The following RABGAP1L variants were observed in gnomAD, a reference collection of about 807,000 sequenced individuals.
RABGAP1L encodes rab GTPase-activating protein 1-like.
RABGAP1L carries 63 observed loss-of-function variants against 137.7 expected under a neutral mutation model. The observed-to-expected ratio is 0.46, with a 90% confidence interval of 0.37 to 0.56. The LOEUF (loss-of-function observed/expected upper bound fraction) is 0.56. Ranked by LOEUF, RABGAP1L falls within the 20% of genes least tolerant of loss-of-function variation. The probability of loss-of-function intolerance (pLI) is 0.00; values close to 1 mark genes in which losing one functional copy is unlikely to be tolerated. For synonymous variants in RABGAP1L, 431 were observed against 433.7 expected, an observed-to-expected ratio of 0.99 and a Z score of 0.08; for missense variants, 1,095 against 1,244.0, an observed-to-expected ratio of 0.88 and a Z score of 1.80.
chr1:174,195,502 A>G (rs751210154), intron 1 of RABGAP1L, among the ~76,000 whole-genome samples: 2 of 152,122 alleles, frequency 1.3e-5, no homozygotes, highest in African/African-American at 2.4e-5. Flanking sequence ...AAGACCACAG[A>G]CTGAGGAGCC....
chr1:174,517,346 T>G (rs1304129414), intron 13 of RABGAP1L, among the ~76,000 whole-genome samples: 2 of 152,192 alleles, frequency 1.3e-5, no homozygotes, highest in African/African-American at 4.8e-5. Context: ...AACATACCTT[T>G]TGCAATATTT....
At chr1:174,230,884 T>C (rs1670590545) in intron 3 of RABGAP1L, among the ~76,000 whole-genome samples, 2 of 152,138 alleles carry the variant, frequency 1.3e-5, no homozygotes, top group Admixed American at 6.6e-5. Flanking sequence ...TCTGAAGAAC[T>C]TACAGCTAAG....
chr1:174,795,925 TC>T (rs1460653637), intron 18 of RABGAP1L, among the ~76,000 whole-genome samples: 1 of 152,200 alleles, frequency 6.6e-6, no homozygotes, highest in Non-Finnish European at 1.5e-5. Flanking sequence ...ACTGAGTTTC[TC>T]CCATGTGTGT....
intron 11 of RABGAP1L, among the ~76,000 whole-genome samples, chr1:174,317,623 T>G (rs1366791036): frequency 6.6e-6 from 1 of 152,118 alleles, no homozygotes; most frequent in Non-Finnish European, 1.5e-5. Context: ...GGGGTGATAC[T>G]AGCACACCCC....
chr1:174,480,517 T>A (rs1333690246), intron 13 of RABGAP1L, among the ~76,000 whole-genome samples: 1 of 152,248 alleles, frequency 6.6e-6, no homozygotes, highest in Non-Finnish European at 1.5e-5. Flanking sequence ...ATTAGTGAGC[T>A]GTGATTACAT....
At chr1:174,274,450 G>C (rs886399916) in intron 8 of RABGAP1L, among the ~76,000 whole-genome samples, 1 of 152,132 alleles carries the variant, frequency 6.6e-6, no homozygotes, top group Admixed American at 6.6e-5. Flanking sequence ...GTACAGTAAC[G>C]TGCTGTACAA....
At chr1:174,799,874 C>G in intron 18 of RABGAP1L, 1 of 987,622 alleles carries the variant, frequency 1.0e-6, no homozygotes, top group Non-Finnish European at 1.2e-6. Context: ...CCCTGGCTTC[C>G]TGGCTACTGC....
At chr1:174,943,328 C>T (rs1244890096) in intron 19 of RABGAP1L, among the ~76,000 whole-genome samples, 9 of 152,118 alleles carry the variant, frequency 5.9e-5, no homozygotes, top group Non-Finnish European at 1.2e-4. Context: ...TCTTGGTCAT[C>T]CTGTGCTCAT....
chr1:174,674,402 A>C (rs1311871951), intron 14 of RABGAP1L, among the ~76,000 whole-genome samples: 1 of 149,870 alleles, frequency 6.7e-6, no homozygotes, highest in African/African-American at 2.5e-5. Context: ...CCATGTCCCT[A>C]CAAAGGGCAT....
Position 174,652,701 on chromosome 1 carries a change from C to T in RABGAP1L, c.1824+15213C>T, listed in dbSNP as rs752583000. Among the ~76,000 whole-genome samples, 42 of 152,170 alleles carry T rather than the reference C, an allele frequency of 2.8e-4. 1 individual carries two copies. The highest frequency in any genetic ancestry group is 5.9e-5 in the Non-Finnish European group (4 of 68,032). On this transcript the variant is annotated intron_variant, in intron 14 of 25. Coordinates refer to ENST00000681986, the MANE Select transcript of RABGAP1L (RefSeq NM_001366446.1). ...TCCTAGAGAGGCACTCGCCAGATGC[C>T]AGCCGGAGCTCTCCTATATGAGATG...
At chr1:174,456,281 C>T (rs1656032382) in intron 13 of RABGAP1L, among the ~76,000 whole-genome samples, 1 of 151,848 alleles carries the variant, frequency 6.6e-6, no homozygotes, top group Non-Finnish European at 1.5e-5. Flanking sequence ...ACACAGCAGT[C>T]ATCTACTGAA....
At chr1:174,550,917 C>CAT (rs1553330146) in intron 13 of RABGAP1L, among the ~76,000 whole-genome samples, 4,427 of 95,798 alleles carry the variant, frequency 0.046, 269 homozygotes, top group East Asian at 0.11. Flanking sequence ...TATACACACA[C>CAT]ACACATATAT....
intron 18 of RABGAP1L, among the ~76,000 whole-genome samples, chr1:174,798,390 G>A (rs1471436290): frequency 3.3e-5 from 5 of 150,546 alleles, no homozygotes; most frequent in South Asian, 2.1e-4. Context: ...GTGACAGAGC[G>A]ACAATCCGTT....
In RABGAP1L at chr1:174,992,872, A is replaced by G. The variant is rs1418678268; in HGVS notation, c.*2871A>G. ...TCACTTAGAAGAGATTAACCAGCCA[A>G]ATATCCAGGAAAGTTTCAAAACATT... On this transcript the variant is annotated 3_prime_UTR_variant, in exon 26 of 26. Transcript: ENST00000681986. 1 of 152,200 alleles carries G rather than the reference A, an allele frequency of 6.6e-6. No individual in the cohort carries two copies. Among genetic ancestry groups the G allele is most frequent in the Non-Finnish European group, 1.5e-5 (1 of 68,030 alleles). 9.4% of individuals were successfully genotyped at this position (152,200 alleles called of 1,614,324 possible).
At chr1:174,613,910 G>T (rs1251740634) in intron 13 of RABGAP1L, among the ~76,000 whole-genome samples, 2 of 151,886 alleles carry the variant, frequency 1.3e-5, no homozygotes, top group African/African-American at 4.8e-5. Context: ...CATTTGCTTG[G>T]TAGATCTTCC....
intron 17 of RABGAP1L, among the ~76,000 whole-genome samples, chr1:174,726,438 C>T (rs1259369657): frequency 6.6e-6 from 1 of 151,682 alleles, no homozygotes; most frequent in Non-Finnish European, 1.5e-5. Context: ...AATTAGGGTA[C>T]ATCTTTTTTT....
chr1:174,963,566 C>T (rs1196144131), intron 20 of RABGAP1L, among the ~76,000 whole-genome samples: 1 of 151,482 alleles, frequency 6.6e-6, no homozygotes, highest in Non-Finnish European at 1.5e-5. Flanking sequence ...TTAAGTATTA[C>T]TGAGAAAATT....
chr1:174,246,377 T>C (rs1672263195), intron 5 of RABGAP1L: 2 of 152,248 alleles, frequency 1.3e-5, no homozygotes, highest in African/African-American at 4.8e-5. Context: ...TGTGTATGTG[T>C]TTTAATAAGT....
chr1:174,822,538 C>A (rs1335663478), intron 19 of RABGAP1L, among the ~76,000 whole-genome samples: 2 of 152,198 alleles, frequency 1.3e-5, no homozygotes, highest in African/African-American at 4.8e-5. Context: ...TCCTAATCAG[C>A]TAGAACAGTG....
Sources: allele counts gnomAD v4.1 joint callset (sites outside exome capture counted in the v4.1 genomes callset), GRCh38; gene constraint gnomAD v4.1.1; transcripts MANE v1.5; gene names NCBI Gene and HGNC (gene_info 2026-07-23, HGNC 2026-07-21).